Variants in STAG1 observed in about 807,000 individuals in gnomAD.
STAG1 encodes the protein STAG1 cohesin complex component.
STAG1 carries 26 observed loss-of-function variants against 170.9 expected under a neutral mutation model. The observed-to-expected ratio is 0.15, with a 90% CI of 0.11 to 0.21. STAG1 has a LOEUF of 0.21. STAG1 is among the 10% of genes least tolerant of loss of function. The probability of loss-of-function intolerance (pLI) is 1.00; values close to 1 mark genes in which losing one functional copy is unlikely to be tolerated. For missense variants in STAG1, 964 were observed against 1,509.5 expected (o/e 0.64, Z 5.99); for synonymous variants, 514 against 497.7 (o/e 1.03, Z -0.44).
chr3:136,632,393 G>T (rs1193694467), intron 1 of STAG1, among the ~76,000 whole-genome samples: 1 of 152,058 alleles, frequency 6.6e-6, no homozygotes, highest in Admixed American at 6.5e-5. Flanking sequence ...GCCTACCATC[G>T]CCCATTCCCC....
intron 5 of STAG1, among the ~76,000 whole-genome samples, chr3:136,546,906 G>A (rs1371272062): frequency 6.6e-6 from 1 of 152,170 alleles, no homozygotes; most frequent in Non-Finnish European, 1.5e-5. Context: ...TTCAACCTGT[G>A]CTTCAAAGCT....
chr3:136,660,082 T>C (rs1941528524), intron 1 of STAG1, among the ~76,000 whole-genome samples: 1 of 152,260 alleles, frequency 6.6e-6, no homozygotes, highest in African/African-American at 2.4e-5. Context: ...TGTGCGCATG[T>C]GTGTCTGTAT....
intron 2 of STAG1, among the ~76,000 whole-genome samples, chr3:136,628,250 C>A (rs1457191222): frequency 6.6e-6 from 1 of 152,046 alleles, no homozygotes; most frequent in Admixed American, 6.5e-5. Context: ...CTTCCTGAGG[C>A]CTCGCCAGCC....
chr3:136,377,374 G>A (rs1488726981), intron 23 of STAG1, among the ~76,000 whole-genome samples: 6 of 17,360 alleles, frequency 3.5e-4, no homozygotes, highest in South Asian at 1.7e-3. Flanking sequence ...GCGACAGAGC[G>A]AGACTCTGTC....
intron 2 of STAG1, among the ~76,000 whole-genome samples, chr3:136,627,110 G>GA (rs1940138727): frequency 6.6e-6 from 1 of 152,168 alleles, no homozygotes; most frequent in South Asian, 2.1e-4. Flanking sequence ...CCAAGAGTCA[G>GA]AAAAGTACAA....
At position 136,750,912 on chromosome 3, in the gene STAG1, T is replaced by C. The variant is rs1288656651; in HGVS notation, c.-84+1283A>G. On this transcript the variant is annotated intron_variant, in intron 1 of 33. Coordinates refer to ENST00000383202, the MANE Select transcript of STAG1 (RefSeq NM_005862.3). ...TACAATAAACAAGTTATTTTTATTT[T>C]CACTCTTCTGTATATTTCCCTAAGT... Among the ~76,000 whole-genome samples, 4 of 152,248 alleles carry C rather than the reference T, an allele frequency of 2.6e-5. No individual in the cohort carries two copies. The East Asian group carries it at 7.7e-4, about 29-fold the overall frequency.
At chr3:136,665,822 T>C (rs960566347) in intron 1 of STAG1, among the ~76,000 whole-genome samples, 5 of 143,404 alleles carry the variant, frequency 3.5e-5, no homozygotes, top group Non-Finnish European at 6.0e-5. Context: ...ACACCTGTAA[T>C]CCCAGCACTT....
chr3:136,655,204 C>T (rs1184907114), intron 1 of STAG1, among the ~76,000 whole-genome samples: 2 of 152,168 alleles, frequency 1.3e-5, no homozygotes, highest in African/African-American at 2.4e-5. Context: ...AGTCAACCCA[C>T]AGAACAGGAG....
intron 4 of STAG1, among the ~76,000 whole-genome samples, chr3:136,598,433 T>C (rs549043753): frequency 8.2e-4 from 124 of 151,994 alleles, no homozygotes; most frequent in Non-Finnish European, 1.5e-3. Flanking sequence ...TTTTTTTTTT[T>C]TCTTTTTTTT....
intron 21 of STAG1, among the ~76,000 whole-genome samples, chr3:136,400,217 C>G (rs1036344720): frequency 5.3e-5 from 8 of 151,794 alleles, no homozygotes; most frequent in Non-Finnish European, 1.2e-4. Flanking sequence ...GCCACGGTAA[C>G]CAATTATCAA....
chr3:136,650,050 A>G (rs912333039), intron 1 of STAG1, among the ~76,000 whole-genome samples: 2 of 152,116 alleles, frequency 1.3e-5, no homozygotes, highest in African/African-American at 4.8e-5. Flanking sequence ...TACAGGCGTG[A>G]GCCATCACGC....
At chr3:136,607,437 T>C (rs1435376537) in intron 3 of STAG1, among the ~76,000 whole-genome samples, 1 of 152,172 alleles carries the variant, frequency 6.6e-6, no homozygotes, top group Admixed American at 6.6e-5. Context: ...GATTCTCTCT[T>C]TGTTGCTCAG....
At chr3:136,731,117 A>G (rs1934015719) in intron 1 of STAG1, among the ~76,000 whole-genome samples, 1 of 152,222 alleles carries the variant, frequency 6.6e-6, no homozygotes, top group Non-Finnish European at 1.5e-5. Flanking sequence ...CTCATCTCCA[A>G]CATCTACCCT....
intron 13 of STAG1, among the ~76,000 whole-genome samples, chr3:136,455,674 T>C (rs2089090499): frequency 6.6e-6 from 1 of 152,038 alleles, no homozygotes; most frequent in South Asian, 2.1e-4. Context: ...TTGAAGGGAG[T>C]GGCCAGTGCA....
chr3:136,511,250 T>C (rs907838594), intron 7 of STAG1, among the ~76,000 whole-genome samples: 1 of 152,180 alleles, frequency 6.6e-6, no homozygotes, highest in Admixed American at 6.5e-5. Context: ...CTTTATGAAT[T>C]ACCCAGTCTA....
chr3:136,732,652 C>T (rs1302880473), intron 1 of STAG1, among the ~76,000 whole-genome samples: 1 of 152,164 alleles, frequency 6.6e-6, no homozygotes, highest in African/African-American at 2.4e-5. Context: ...CTCTGTCACC[C>T]AGGCTAGAGT....
At chr3:136,653,476 AT>A (rs530416510) in intron 1 of STAG1, among the ~76,000 whole-genome samples, 1 of 152,110 alleles carries the variant, frequency 6.6e-6, no homozygotes, top group Admixed American at 6.6e-5. Flanking sequence ...TGAAAATTCC[AT>A]TTTTTTCTAA....
chr3:136,705,070 A>T (rs1416236632), intron 1 of STAG1, among the ~76,000 whole-genome samples: 1 of 151,968 alleles, frequency 6.6e-6, no homozygotes, highest in Non-Finnish European at 1.5e-5. Flanking sequence ...TAGACAGAAG[A>T]TCATTAAGAA....
chr3:136,352,678 T>C (rs1165281537), intron 28 of STAG1, among the ~76,000 whole-genome samples: 1 of 152,216 alleles, frequency 6.6e-6, no homozygotes, highest in African/African-American at 2.4e-5. Context: ...TGAGTACCTA[T>C]ACAATCATTC....
Sources: allele counts gnomAD v4.1 joint callset (sites outside exome capture counted in the v4.1 genomes callset), GRCh38; gene constraint gnomAD v4.1.1; transcripts MANE v1.5; gene names NCBI Gene and HGNC (gene_info 2026-07-23, HGNC 2026-07-21).